SETX: variants seen among roughly 807,000 people sequenced by gnomAD.
SETX encodes senataxin.
SETX carries 90 observed loss-of-function variants against 227.2 expected under a neutral mutation model. The observed-to-expected ratio is 0.40, with a 90% confidence interval of 0.33 to 0.47. The LOEUF (loss-of-function observed/expected upper bound fraction) is 0.47, where lower values mean the gene tolerates loss of function less well. Among genes scored for constraint, SETX ranks in the 20% least tolerant of loss-of-function variants. SETX has a pLI of 0.91. For missense variants in SETX, 3,052 were observed against 3,181.5 expected, an observed-to-expected ratio of 0.96 and a Z score of 0.98; for synonymous variants, 1,210 against 1,113.2, an observed-to-expected ratio of 1.09 and a Z score of -1.73.
chr9:132,306,513 A>G (rs1027273827), intron 11 of SETX, among the ~76,000 whole-genome samples: 5 of 151,230 alleles, frequency 3.3e-5, no homozygotes, highest in Non-Finnish European at 7.4e-5. Flanking sequence ...TGCCCAGCCG[A>G]GTCTACTATT....
chr9:132,328,109 T>C lies in SETX; in HGVS notation c.3489A>G (p.Lys1163=). ...CTTCAGCCATTGGTTTTTCAGATCG[T>C]TTTCTCTTAGGCTTTTTTACTTCAA... ...CEIEVKKPKR[K]RSEKPMAEDP... The change falls in exon 10 of 26, where the codon AAA becomes AAG. Residue 1163 remains lysine, a synonymous_variant. Transcript: ENST00000224140. 6.2e-7 allele frequency: 1 copy of C among 1,613,992 alleles called. No homozygotes were observed. Among genetic ancestry groups the C allele is most frequent in the Non-Finnish European group, 8.5e-7 (1 of 1,179,980 alleles).
chr9:132,267,404 G>A (rs1375311148), intron 25 of SETX, among the ~76,000 whole-genome samples: 1 of 152,222 alleles, frequency 6.6e-6, no homozygotes, highest in East Asian at 1.9e-4. Context: ...CCTAAACTTG[G>A]TGTTTAATCC....
rs1316915875 is a variant in SETX, at chr9:132,263,008, C to G, written c.*1231G>C. The G allele has an allele frequency of 1.3e-5, 2 of 152,202 alleles. No individual in the cohort carries two copies. Among genetic ancestry groups the G allele is most frequent in the African/African-American group, 4.8e-5 (2 of 41,438 alleles). 9.4% of individuals were successfully genotyped at this position (152,202 alleles called of 1,614,324 possible). A position where few individuals can be genotyped will look rare whatever the true frequency, so the allele number is the denominator to read the frequency against. On this transcript the variant is annotated 3_prime_UTR_variant, in exon 26 of 26. Transcript: ENST00000224140. ...CCTTGTCCCGAGCTTCCTCGATCTC[C>G]ATTCACCATGACCAATTTTTTCCCC...
At chr9:132,280,019 G>A (rs1233358237) in intron 20 of SETX, among the ~76,000 whole-genome samples, 3 of 152,112 alleles carry the variant, frequency 2.0e-5, no homozygotes, top group Non-Finnish European at 4.4e-5. Context: ...AACACCATAA[G>A]GGCAGGGATT....
At chr9:132,324,709 T>C (rs1229063744) in intron 10 of SETX, among the ~76,000 whole-genome samples, 7 of 152,232 alleles carry the variant, frequency 4.6e-5, no homozygotes, top group Non-Finnish European at 1.0e-4. Context: ...TTATCTCCCA[T>C]GCTTGTAAGA....
chr9:132,299,955 C>A (rs1278794359), intron 12 of SETX, among the ~76,000 whole-genome samples: 1 of 151,582 alleles, frequency 6.6e-6, no homozygotes, highest in Non-Finnish European at 1.5e-5. Context: ...ATGGTGAAAC[C>A]CCGTCTCCAC....
At position 132,329,044 on chromosome 9, in the gene SETX, TATC is replaced by T; in HGVS notation, c.2551_2553del (p.Asp851del). On this transcript the variant is annotated inframe_deletion, in exon 10 of 26. Coordinates refer to ENST00000224140, the MANE Select transcript of SETX (RefSeq NM_015046.7). ...TTTTGAGATTTTTGTTCTCCATTCT[TATC>T]ATCCAGAACACCACTAGGGTCTAAA... 3.1e-6 allele frequency: 5 copies of T among 1,608,912 alleles called. No individual in the cohort carries two copies. The highest frequency in any genetic ancestry group is 4.2e-6 in the Non-Finnish European group (5 of 1,178,418).
At chr9:132,324,093 G>A (rs1045812203) in intron 10 of SETX, among the ~76,000 whole-genome samples, 12 of 151,996 alleles carry the variant, frequency 7.9e-5, no homozygotes, top group Non-Finnish European at 1.8e-4. Flanking sequence ...TTAAAAAGCT[G>A]AGACTACAAA....
chr9:132,287,767 A>AG (rs1844003658), intron 17 of SETX, among the ~76,000 whole-genome samples: 1 of 63,524 alleles, frequency 1.6e-5, no homozygotes, highest in East Asian at 6.6e-4. Flanking sequence ...CCAAAAGGAC[A>AG]AAAAAAAAAA....
intron 10 of SETX, among the ~76,000 whole-genome samples, chr9:132,315,110 A>G (rs949326786): frequency 6.6e-6 from 1 of 151,888 alleles, no homozygotes; most frequent in African/African-American, 2.4e-5. Context: ...ACAGGGTTTC[A>G]CCAAAGTTGG....
rs1428275588 is a variant in SETX at position 132,264,397 on chromosome 9, C to T, written c.7876G>A (p.Glu2626Lys). ...TCTCTCCTGTGACAGAGCTCCTCTT[C>T]CGGGTCATCACATTTGCTCTGACAC... ...STCQSKCDDP[E>K]EELCHRREAR... The change falls in exon 26 of 26, where the codon GAA becomes AAA. Residue 2626 changes from glutamate to lysine, a missense_variant. Around this residue, in one of 10 missense-constraint regions of SETX, gnomAD observed 294 missense variants for 278.8 expected, o/e 1.05. Coordinates refer to ENST00000224140, the MANE Select transcript of SETX (RefSeq NM_015046.7). 6.2e-7 allele frequency: 1 copy of T among 1,614,076 alleles called. No individual in the cohort carries two copies. The highest frequency in any genetic ancestry group is 8.5e-7 in the Non-Finnish European group (1 of 1,180,044).
intron 11 of SETX, among the ~76,000 whole-genome samples, chr9:132,302,660 C>CAAAAAA (rs35647306): frequency 3.0e-5 from 1 of 33,294 alleles, no homozygotes; most frequent in African/African-American, 8.6e-5. Context: ...GACTTTGTCT[C>CAAAAAA]AAAAAAAAAA....
At chr9:132,351,161 T>C (rs72765833) in intron 2 of SETX, among the ~76,000 whole-genome samples, 1 of 152,196 alleles carries the variant, frequency 6.6e-6, no homozygotes, top group South Asian at 2.1e-4. Context: ...TGTTTTTTTT[T>C]CCGGTAACCT....
In SETX at chr9:132,329,444, G is replaced by C; in HGVS notation, c.2154C>G (p.Ile718Met). 6.2e-7 allele frequency: 1 copy of C among 1,613,264 alleles called. No individual in the cohort carries two copies. Among genetic ancestry groups the C allele is most frequent in the South Asian group, 1.1e-5 (1 of 90,988 alleles). ...TACAGTCCTTTGGTGTATATGAAGA[G>C]ATCTCTTTTACAGACTTCTGCTTCC... ...STRKQKSVKE[I>M]SSYTPKDCTS... is the part of the protein sequence containing the mutation. The change falls in exon 10 of 26, where the codon ATC becomes ATG. Residue 718 changes from isoleucine (I) to methionine (M), a missense_variant. Coordinates refer to ENST00000224140, the MANE Select transcript of SETX (RefSeq NM_015046.7).
At position 132,327,633 on chromosome 9, in the gene SETX, G is replaced by T. The variant is rs144900653; in HGVS notation, c.3965C>A (p.Thr1322Asn). The part of the protein sequence containing the change: ...DHGKTVGVVD[T>N]RKKTKLISPQ... ...AGAAATTAATTTAGTCTTTTTTCGG[G>T]TATCAACTACTCCAACAGTTTTGCC... Residue 1322 changes from threonine (T) to asparagine (N), a missense_variant, in exon 10 of 26, where the codon ACC becomes AAC. Physicochemically the swap from Thr to Asn is moderately conservative, Grantham distance 65 (BLOSUM62 0). Transcript: ENST00000224140. 8.7e-5 allele frequency: 141 copies of T among 1,613,836 alleles called. 1 individual carries two copies. The African/African-American group carries it at 1.8e-3, about 21-fold the overall frequency.
At chr9:132,311,904 G>GAT in intron 10 of SETX, 48 bp from the exon 11 acceptor site, 1 of 1,357,536 alleles carries the variant, frequency 7.4e-7, no homozygotes, top group Non-Finnish European at 1.0e-6. Flanking sequence ...TCTGGAAAGT[G>GAT]ATGCTAAATA....
At chr9:132,323,054 T>G (rs1285522634) in intron 10 of SETX, among the ~76,000 whole-genome samples, 3 of 152,082 alleles carry the variant, frequency 2.0e-5, no homozygotes, top group Non-Finnish European at 2.9e-5. Context: ...AAAGAAATTC[T>G]AAGACATGCA....
chr9:132,334,291 CA>C (rs1238505963), intron 7 of SETX, among the ~76,000 whole-genome samples: 1 of 151,976 alleles, frequency 6.6e-6, no homozygotes, highest in East Asian at 1.9e-4. Flanking sequence ...ACTAAAAATA[CA>C]AAAAAATTAG....
chr9:132,319,195 T>C (rs1475067041), intron 10 of SETX, among the ~76,000 whole-genome samples: 1 of 152,142 alleles, frequency 6.6e-6, no homozygotes. Context: ...CCCCAATATA[T>C]TGAATTCCTC....
Sources: gnomAD v4.1 joint callset for allele counts (sites outside exome capture counted in the v4.1 genomes callset) on GRCh38, gnomAD v4.1.1 for gene constraint, gnomAD v4.1.1 regional missense constraint, MANE v1.5 for transcripts, NCBI Gene and HGNC (gene_info 2026-07-23, HGNC 2026-07-21) for gene names.